Variants in MDFIC observed in about 807,000 individuals in gnomAD.
MDFIC encodes the protein myoD family inhibitor domain-containing protein.
MDFIC carries 17 observed loss-of-function variants against 23.2 expected under a neutral mutation model. The ratio of observed to expected loss-of-function variants is 0.73; its 90% CI spans 0.50 to 1.10. The LOEUF (loss-of-function observed/expected upper bound fraction) is 1.10. Ranked by LOEUF, MDFIC falls within the 50% of genes least tolerant of loss-of-function variation. MDFIC has a pLI of 0.00. For synonymous variants in MDFIC, 120 were observed against 115.2 expected, an observed-to-expected ratio of 1.04 and a Z score of -0.27; for missense variants, 356 against 316.6, an observed-to-expected ratio of 1.12 and a Z score of -0.95.
At chr7:114,976,627 G>A (rs17137497) in intron 3 of MDFIC, among the ~76,000 whole-genome samples, 1 of 151,946 alleles carries the variant, frequency 6.6e-6, no homozygotes, top group Admixed American at 6.6e-5. Context: ...ACTGAAAAAC[G>A]GTAACAGGAT....
At chr7:115,002,199 G>A (rs781117312) in intron 4 of MDFIC, among the ~76,000 whole-genome samples, 2 of 152,078 alleles carry the variant, frequency 1.3e-5, no homozygotes, top group African/African-American at 2.4e-5. Flanking sequence ...ATCCAGAATT[G>A]GATTTCCTGA....
intron 3 of MDFIC, among the ~76,000 whole-genome samples, chr7:114,956,900 A>T (rs2115842940): frequency 6.6e-6 from 1 of 152,312 alleles, no homozygotes; most frequent in East Asian, 1.9e-4. Flanking sequence ...TCTTACAGTT[A>T]TGACTGATGG....
At chr7:114,941,068 T>C (rs1489796369) in intron 2 of MDFIC, among the ~76,000 whole-genome samples, 1 of 152,228 alleles carries the variant, frequency 6.6e-6, no homozygotes. Context: ...TCTCCCTCAG[T>C]TGAAATAGAA....
At chr7:114,932,691 G>T (rs1224628301) in intron 2 of MDFIC, among the ~76,000 whole-genome samples, 1 of 152,198 alleles carries the variant, frequency 6.6e-6, no homozygotes, top group Non-Finnish European at 1.5e-5. Flanking sequence ...ATAGGTTGTG[G>T]TCTTAGAGGA....
Position 115,015,701 on chromosome 7 carries a change from C to G in MDFIC, c.507C>G (p.His169Gln). The G allele has an allele frequency of 6.2e-7, 1 of 1,614,194 alleles. No individual in the cohort carries two copies. The highest frequency in any genetic ancestry group is 8.5e-7 in the Non-Finnish European group (1 of 1,180,018). The change falls in exon 5 of 5, where the codon CAC becomes CAG. Residue 169 changes from histidine to glutamine, a missense_variant. Physicochemically the swap from His to Gln is conservative, Grantham distance 24. Coordinates refer to ENST00000393486, the MANE Select transcript of MDFIC (RefSeq NM_001166345.3). ...CTGAAAATGAAGATTGTTGTGTCCACTGTATCCTGGCTTGCTTGTTCTGCG... is the reference window on the plus strand; with the variant it reads ...CTGAAAATGAAGATTGTTGTGTCCAGTGTATCCTGGCTTGCTTGTTCTGCG... ...TGSSPEDCCV[H>Q]CILACLFCEF...
At chr7:114,942,081 T>C (rs558267764) in intron 2 of MDFIC, among the ~76,000 whole-genome samples, 194 bp from the exon 3 acceptor site, 6 of 152,322 alleles carry the variant, frequency 3.9e-5, no homozygotes, top group African/African-American at 1.4e-4. Context: ...GGTTCTTTAA[T>C]GCCAGGCTGA....
chr7:114,966,175 A>G (rs899938600), intron 3 of MDFIC, among the ~76,000 whole-genome samples: 1 of 152,236 alleles, frequency 6.6e-6, no homozygotes, highest in Admixed American at 6.5e-5. Flanking sequence ...AAATAAATTT[A>G]GTTTTGGTAG....
chr7:114,964,555 G>A (rs1029658679), intron 3 of MDFIC, among the ~76,000 whole-genome samples: 2 of 109,970 alleles, frequency 1.8e-5, no homozygotes, highest in Middle Eastern at 4.8e-3. Context: ...CCTTCCCTTC[G>A]CTTCCCTCCC....
chr7:114,931,864 A>AG, intron 2 of MDFIC, among the ~76,000 whole-genome samples: 1 of 152,338 alleles, frequency 6.6e-6, no homozygotes, highest in East Asian at 1.9e-4. Context: ...GTGGTCGAGC[A>AG]GGTGACAGGC....
At chr7:114,923,673 A>C in intron 2 of MDFIC, 2 of 1,412,824 alleles carry the variant, frequency 1.4e-6, no homozygotes. Flanking sequence ...CCAAGAATGA[A>C]TTAGCTTCTT....
intron 2 of MDFIC, among the ~76,000 whole-genome samples, chr7:114,928,081 T>A (rs1792229787): frequency 6.6e-6 from 1 of 152,188 alleles, no homozygotes; most frequent in African/African-American, 2.4e-5. Flanking sequence ...TACTTCTAAC[T>A]TTTTATGCCT....
chr7:114,936,026 G>A (rs1026822541), intron 2 of MDFIC, among the ~76,000 whole-genome samples: 4 of 152,104 alleles, frequency 2.6e-5, no homozygotes, highest in Non-Finnish European at 5.9e-5. Context: ...GTGCTTTCCT[G>A]TCTTGATTTC....
chr7:114,990,867 A>G (rs1791141748), intron 4 of MDFIC, among the ~76,000 whole-genome samples: 1 of 152,104 alleles, frequency 6.6e-6, no homozygotes, highest in Non-Finnish European at 1.5e-5. Context: ...TATACCCAGT[A>G]ATGGGATGGC....
chr7:114,953,252 T>G (rs577015110), intron 3 of MDFIC, among the ~76,000 whole-genome samples: 11 of 152,336 alleles, frequency 7.2e-5, no homozygotes, highest in African/African-American at 2.2e-4. Flanking sequence ...GTTTTTTGAT[T>G]TCTAAATAAA....
rs756446785 is a variant in MDFIC at position 114,979,582 on chromosome 7, C to T, written c.294C>T (p.Asn98=). 1.7e-5 allele frequency: 28 copies of T among 1,613,922 alleles called. No individual in the cohort carries two copies. Among genetic ancestry groups the T allele is most frequent in the Middle Eastern group, 1.6e-4 (1 of 6,084 alleles). ...PSGEEIGKIK[N]GHTGLSNGNG... ...GTGAGGAAATAGGCAAGATAAAGAACGGCCACACAGGTCTGAGCAATGGAA... is the reference window on the plus strand; with the variant it reads ...GTGAGGAAATAGGCAAGATAAAGAATGGCCACACAGGTCTGAGCAATGGAA... The change falls in exon 4 of 5, where the codon AAC becomes AAT. Residue 98 remains asparagine, a synonymous_variant. Transcript: ENST00000393486.
intron 3 of MDFIC, among the ~76,000 whole-genome samples, chr7:114,972,776 A>T (rs578153023): frequency 6.6e-6 from 1 of 151,998 alleles, no homozygotes; most frequent in Non-Finnish European, 1.5e-5. Flanking sequence ...GTGCCATCAC[A>T]CCTGGTTAAT....
chr7:114,939,516 A>G (rs1297179652), intron 2 of MDFIC, among the ~76,000 whole-genome samples: 1 of 152,198 alleles, frequency 6.6e-6, no homozygotes, highest in Non-Finnish European at 1.5e-5. Context: ...TTTTGCAGAT[A>G]AGGAAACTTT....
chr7:114,958,352 A>G (rs935608459), intron 3 of MDFIC, among the ~76,000 whole-genome samples: 1 of 152,192 alleles, frequency 6.6e-6, no homozygotes, highest in Non-Finnish European at 1.5e-5. Context: ...GATTTTTTGG[A>G]GACACACAAA....
chr7:114,963,440 C>T (rs1030635205), intron 3 of MDFIC, among the ~76,000 whole-genome samples: 2 of 152,254 alleles, frequency 1.3e-5, no homozygotes, highest in Non-Finnish European at 2.9e-5. Flanking sequence ...TGCTCCTTGT[C>T]TTTGTGAGGG....
Sources: gnomAD v4.1 joint callset for allele counts (sites outside exome capture counted in the v4.1 genomes callset) on GRCh38, gnomAD v4.1.1 for gene constraint, MANE v1.5 for transcripts, NCBI Gene and HGNC (gene_info 2026-07-23, HGNC 2026-07-21) for gene names.